Variants in DACH1 observed in about 807,000 individuals in gnomAD.
DACH1 encodes dachshund family transcription factor 1, also known as dachshund homolog 1.
A neutral mutation model predicts 54.2 loss-of-function variants in DACH1; 12 were observed. The observed-to-expected ratio is 0.22, with a 90% CI of 0.14 to 0.36. DACH1 has a LOEUF of 0.36. Ranked by LOEUF, DACH1 falls within the 10% of genes least tolerant of loss-of-function variation. The pLI, the probability that DACH1 is intolerant of heterozygous loss-of-function variation, is 1.00. For missense variants in DACH1, 805 were observed against 929.8 expected (o/e 0.87, Z 1.75); for synonymous variants, 386 against 366.2 (o/e 1.05, Z -0.62).
chr13:71,645,109 G>A (rs1445978171), intron 2 of DACH1, among the ~76,000 whole-genome samples: 2 of 152,110 alleles, frequency 1.3e-5, no homozygotes, highest in Admixed American at 6.5e-5. Flanking sequence ...TTAGTAGAGG[G>A]TTTTAGAATC....
At chr13:71,851,185 T>C (rs774175545) in intron 1 of DACH1, among the ~76,000 whole-genome samples, 3 of 152,178 alleles carry the variant, frequency 2.0e-5, no homozygotes, top group Non-Finnish European at 4.4e-5. Context: ...ACATAAACTT[T>C]GTCTTTAACC....
In DACH1 at chr13:71,864,180, T is replaced by TACACACACACACACACAC. The variant is rs55651625; in HGVS notation, c.848+1724_848+1741dup. Among the ~76,000 whole-genome samples the TACACACACACACACACAC allele has an allele frequency of 1.0e-3, 109 of 108,500 alleles. 2 individuals carry two copies. The highest frequency in any genetic ancestry group is 3.8e-3 in the African/African-American group (105 of 27,832). 71.2% of individuals were successfully genotyped at this position (108,500 alleles called of 152,430 possible). ...ATACTTTTGAGCGCGCGCGCGCACA[T>TACACACACACACACACAC]ACACACACACACACACACACACACA... is the stretch of plus-strand genomic sequence containing the variant. On this transcript the variant is annotated intron_variant, in intron 1 of 10. Transcript: ENST00000613252.
chr13:71,561,155 T>C (rs946761148), intron 4 of DACH1, among the ~76,000 whole-genome samples: 1 of 152,152 alleles, frequency 6.6e-6, no homozygotes, highest in Non-Finnish European at 1.5e-5. Context: ...ATTAGCACCA[T>C]GATGGTTTGA....
chr13:71,463,536 T>C (rs998170769), intron 10 of DACH1, among the ~76,000 whole-genome samples: 10 of 152,012 alleles, frequency 6.6e-5, no homozygotes, highest in African/African-American at 2.4e-4. Context: ...AAAAGATTGC[T>C]GTCACGTAGG....
intron 6 of DACH1, among the ~76,000 whole-genome samples, chr13:71,531,374 T>G (rs1030829174): frequency 2.6e-5 from 3 of 114,672 alleles, no homozygotes; most frequent in Non-Finnish European, 6.9e-5. Context: ...TCTTCATAAC[T>G]TTATAAATAA....
rs555322923 is a variant in DACH1, at chr13:71,539,036, T to G, written c.1570+17988A>C. ...ATTTTTTTAATCTTTTGAATGAGATTTAAATGTTTAATGTCTAAATATTCA... is the reference window on the plus strand; with the variant it reads ...ATTTTTTTAATCTTTTGAATGAGATGTAAATGTTTAATGTCTAAATATTCA... On this transcript the variant is annotated intron_variant, in intron 6 of 10. Transcript: ENST00000613252. Among the ~76,000 whole-genome samples the G allele has an allele frequency of 2.0e-5, 3 of 152,172 alleles. No homozygotes were observed. The South Asian group carries it at 6.2e-4, about 32-fold the overall frequency.
intron 1 of DACH1, among the ~76,000 whole-genome samples, chr13:71,709,744 G>C (rs1175793071): frequency 6.6e-6 from 1 of 152,112 alleles, no homozygotes; most frequent in Non-Finnish European, 1.5e-5. Flanking sequence ...AGTATATAGA[G>C]AGTTGGGTAC....
intron 1 of DACH1, among the ~76,000 whole-genome samples, chr13:71,829,377 A>G (rs1257456160): frequency 6.6e-6 from 1 of 151,996 alleles, no homozygotes; most frequent in African/African-American, 2.4e-5. Flanking sequence ...TTTCAAACAC[A>G]ATTAATTTGA....
chr13:71,592,340 A>G (rs757324108), intron 3 of DACH1, among the ~76,000 whole-genome samples: 3 of 151,620 alleles, frequency 2.0e-5, no homozygotes, highest in Non-Finnish European at 4.4e-5. Flanking sequence ...AAAATAATTA[A>G]AACTGCTAGC....
intron 6 of DACH1, among the ~76,000 whole-genome samples, chr13:71,502,697 T>G (rs898550381): frequency 3.9e-5 from 6 of 152,216 alleles, no homozygotes; most frequent in African/African-American, 1.4e-4. Context: ...TTGTCCCAAT[T>G]TAGCTTCTCC....
chr13:71,839,916 C>T (rs1256110990), intron 1 of DACH1, among the ~76,000 whole-genome samples: 2 of 152,036 alleles, frequency 1.3e-5, no homozygotes, highest in African/African-American at 2.4e-5. Flanking sequence ...ATGTTTTCCT[C>T]CCTATATCCC....
rs1292181952 is a variant in DACH1 at position 71,553,444 on chromosome 13, CCATATATATATA to C, written c.1570+3568_1570+3579del. ...CCATATATGTATATTAGACATATAT[CCATATATATATA>C]CATATATACATATATGGGATATATA... On this transcript the variant is annotated intron_variant, in intron 6 of 10. Coordinates refer to ENST00000613252, the MANE Select transcript of DACH1 (RefSeq NM_080759.6). Among the ~76,000 whole-genome samples, 96 of 60,552 alleles carry C rather than the reference CCATATATATATA, an allele frequency of 1.6e-3. 24 individuals are homozygous for C. The highest frequency in any genetic ancestry group is 6.7e-3 in the African/African-American group (93 of 13,796). 39.7% of individuals were successfully genotyped at this position (60,552 alleles called of 152,430 possible). A position where few individuals can be genotyped will look rare whatever the true frequency, so the allele number is the denominator to read the frequency against.
At chr13:71,824,514 G>A (rs1036933605) in intron 1 of DACH1, among the ~76,000 whole-genome samples, 9 of 151,822 alleles carry the variant, frequency 5.9e-5, no homozygotes, top group South Asian at 2.1e-4. Context: ...CACATGGCAG[G>A]GACTCAATGA....
intron 1 of DACH1, among the ~76,000 whole-genome samples, chr13:71,735,453 G>A (rs1409854288): frequency 2.4e-5 from 1 of 42,140 alleles, no homozygotes; most frequent in African/African-American, 5.1e-5. Flanking sequence ...ACGTGTATAT[G>A]GGATATACAC....
At chr13:71,553,669 T>C (rs1884053036) in intron 6 of DACH1, among the ~76,000 whole-genome samples, 1 of 146,054 alleles carries the variant, frequency 6.8e-6, no homozygotes, top group South Asian at 2.1e-4. Flanking sequence ...TATATATATA[T>C]GCATATATAT....
chr13:71,450,848 A>G (rs759014738), intron 10 of DACH1, among the ~76,000 whole-genome samples: 4 of 152,158 alleles, frequency 2.6e-5, no homozygotes, highest in Non-Finnish European at 5.9e-5. Context: ...CATCCAGAGG[A>G]AAGCCCTAAC....
intron 1 of DACH1, among the ~76,000 whole-genome samples, chr13:71,757,715 G>T (rs899477790): frequency 3.9e-5 from 6 of 151,908 alleles, no homozygotes; most frequent in Non-Finnish European, 7.4e-5. Flanking sequence ...TAGAGATGGG[G>T]CTTCACCATG....
rs183004507 is a variant in DACH1, at chr13:71,768,654, C to A, written c.849-86744G>T. ...ATTCAAAAGACAGGTAATTGTAGAACAAAATAAGGCAGCTCAAATAAATAC... is the reference window on the plus strand; with the variant it reads ...ATTCAAAAGACAGGTAATTGTAGAAAAAAATAAGGCAGCTCAAATAAATAC... On this transcript the variant is annotated intron_variant, in intron 1 of 10. Transcript: ENST00000613252. Among the ~76,000 whole-genome samples, 5 of 151,866 alleles carry A rather than the reference C, an allele frequency of 3.3e-5. No individual in the cohort carries two copies. The East Asian group carries it at 9.7e-4, about 29-fold the overall frequency.
chr13:71,667,570 ATAG>A (rs1379931182), intron 2 of DACH1, among the ~76,000 whole-genome samples: 1 of 152,198 alleles, frequency 6.6e-6, no homozygotes, highest in Non-Finnish European at 1.5e-5. Context: ...ATTGATACAT[ATAG>A]TATTTTATTA....
Sources: allele counts gnomAD v4.1 joint callset (sites outside exome capture counted in the v4.1 genomes callset), GRCh38; gene constraint gnomAD v4.1.1; transcripts MANE v1.5; gene names NCBI Gene and HGNC (gene_info 2026-07-23, HGNC 2026-07-21).